Variants in STPG2 observed in about 807,000 individuals in gnomAD.
STPG2 encodes sperm tail PG-rich repeat containing 2.
In STPG2, 56 loss-of-function variants were observed where a neutral mutation model predicts 54.2. The observed-to-expected ratio is 1.03, with a 90% CI of 0.83 to 1.29. STPG2 has a LOEUF of 1.29. Among genes scored for constraint, STPG2 ranks in the 50% most tolerant of loss-of-function variants. The pLI is 0.00. For synonymous variants in STPG2, 200 were observed against 181.8 expected, an observed-to-expected ratio of 1.10 and a Z score of -0.81; for missense variants, 596 against 544.9, an observed-to-expected ratio of 1.09 and a Z score of -0.93.
intron 10 of STPG2, among the ~76,000 whole-genome samples, chr4:97,561,614 T>C (rs1201201542): frequency 1.3e-5 from 2 of 152,186 alleles, no homozygotes; most frequent in Middle Eastern, 3.2e-3. Context: ...CATCTTGAAT[T>C]AATTTTTGTA....
intron 3 of STPG2, among the ~76,000 whole-genome samples, chr4:98,121,137 C>A (rs1739668056): frequency 6.6e-6 from 1 of 152,206 alleles, no homozygotes; most frequent in Non-Finnish European, 1.5e-5. Context: ...GTTCTCCCAG[C>A]ACAATTTATT....
intron 8 of STPG2, among the ~76,000 whole-genome samples, chr4:97,901,395 T>A (rs1057453496): frequency 2.0e-5 from 3 of 151,872 alleles, no homozygotes; most frequent in Non-Finnish European, 4.4e-5. Flanking sequence ...GAAGCAAAAT[T>A]GTTTCTGTTT....
intron 9 of STPG2, among the ~76,000 whole-genome samples, chr4:97,780,959 A>T (rs1347960794): frequency 2.0e-5 from 3 of 152,192 alleles, no homozygotes; most frequent in Non-Finnish European, 1.5e-5. Context: ...TATAGCACTA[A>T]ATGCCCACAA....
chr4:97,859,360 C>T (rs1729437349), intron 8 of STPG2, among the ~76,000 whole-genome samples: 1 of 152,030 alleles, frequency 6.6e-6, no homozygotes, highest in African/African-American at 2.4e-5. Flanking sequence ...GTGGGATGTA[C>T]ATTTACTCTG....
intron 5 of STPG2, among the ~76,000 whole-genome samples, chr4:98,088,238 A>T (rs564523413): frequency 1.8e-4 from 27 of 152,196 alleles, no homozygotes; most frequent in Non-Finnish European, 2.9e-4. Flanking sequence ...ATCAGATTAC[A>T]ATAGTTTAGT....
In STPG2 at chr4:97,455,680, A is replaced by C. The variant is rs149711712; in HGVS notation, c.462+257019T>G. 6.0e-3 allele frequency among the ~76,000 whole-genome samples: 916 copies of C among 152,272 alleles called. 4 individuals are homozygous for C. Among genetic ancestry groups the C allele is most frequent in the African/African-American group, 0.021 (880 of 41,554 alleles). ...ACATGTGATATAATTCTTCCAGTAC[A>C]CCAAGGCAAGAAGCCCAGGATACAG... On this transcript the variant is annotated intron_variant, in intron 4 of 4. Coordinates refer to the STPG2 transcript ENST00000522676.
chr4:97,552,134 T>C (rs181308876), intron 4 of STPG2, among the ~76,000 whole-genome samples: 7 of 152,288 alleles, frequency 4.6e-5, no homozygotes, highest in Admixed American at 3.3e-4. Context: ...ATAGCCAATA[T>C]TCAAATCAAG....
At chr4:98,069,083 T>C (rs1468657040) in intron 5 of STPG2, among the ~76,000 whole-genome samples, 1 of 152,046 alleles carries the variant, frequency 6.6e-6, no homozygotes, top group Non-Finnish European at 1.5e-5. Context: ...TTTTTAAAAA[T>C]GTATTAAAAT....
intron 6 of STPG2, among the ~76,000 whole-genome samples, 153 bp downstream of exon 6, chr4:97,981,006 A>G (rs771196290): frequency 4.6e-5 from 7 of 152,222 alleles, no homozygotes; most frequent in Non-Finnish European, 1.0e-4. Flanking sequence ...ATCTGTGTTT[A>G]ATGTATAGTG....
chr4:97,968,394 C>T (rs981943873), intron 7 of STPG2, among the ~76,000 whole-genome samples: 1 of 152,112 alleles, frequency 6.6e-6, no homozygotes, highest in African/African-American at 2.4e-5. Flanking sequence ...TCTGAAACTT[C>T]CAATCAATAG....
chr4:97,678,054 G>C (rs550908462), intron 10 of STPG2, among the ~76,000 whole-genome samples: 1 of 151,744 alleles, frequency 6.6e-6, no homozygotes, highest in African/African-American at 2.4e-5. Context: ...TAAATGTTTT[G>C]TAGATGTTAG....
intron 5 of STPG2, among the ~76,000 whole-genome samples, chr4:98,023,394 A>C (rs1578791182): frequency 6.6e-6 from 1 of 152,230 alleles, no homozygotes; most frequent in South Asian, 2.1e-4. Flanking sequence ...GTCCTCTGGA[A>C]GTTTTGTCTC....
intron 10 of STPG2, among the ~76,000 whole-genome samples, chr4:97,573,219 G>A (rs1053180966): frequency 1.3e-5 from 2 of 151,312 alleles, no homozygotes; most frequent in African/African-American, 4.9e-5. Context: ...TTTTATAATT[G>A]GAAAATAACT....
chr4:97,895,753 C>T (rs1047040140), intron 8 of STPG2, among the ~76,000 whole-genome samples: 1 of 151,734 alleles, frequency 6.6e-6, no homozygotes, highest in African/African-American at 2.4e-5. Context: ...TTAAATAATA[C>T]AGTAAGTTAC....
At chr4:97,560,170 G>A (rs1186359085) in intron 10 of STPG2, among the ~76,000 whole-genome samples, 3 of 152,168 alleles carry the variant, frequency 2.0e-5, no homozygotes, top group Admixed American at 2.0e-4. Context: ...GGAGGCAGAT[G>A]AGTCTGAGTC....
At chr4:97,997,870 T>C (rs1735292727) in intron 5 of STPG2, among the ~76,000 whole-genome samples, 1 of 152,116 alleles carries the variant, frequency 6.6e-6, no homozygotes, top group African/African-American at 2.4e-5. Context: ...ATCAGATCCC[T>C]GTGAAACGCA....
At chr4:97,561,651 C>T (rs1578389177) in intron 10 of STPG2, among the ~76,000 whole-genome samples, 2 of 152,298 alleles carry the variant, frequency 1.3e-5, no homozygotes, top group East Asian at 3.9e-4. Flanking sequence ...GATTCAGTTT[C>T]AGCATATGGC....
At chr4:97,633,487 G>C (rs1376189676) in intron 10 of STPG2, 1 of 152,120 alleles carries the variant, frequency 6.6e-6, no homozygotes, top group African/African-American at 2.4e-5. Flanking sequence ...CCTGAGGGAG[G>C]CGCCAAGATG....
intron 9 of STPG2, among the ~76,000 whole-genome samples, chr4:97,735,437 A>G (rs1026352424): frequency 2.6e-4 from 39 of 151,596 alleles, no homozygotes; most frequent in African/African-American, 8.9e-4. Context: ...CAAAAACTAC[A>G]CATTAGGTAC....
Sources: gnomAD v4.1 joint callset for allele counts (sites outside exome capture counted in the v4.1 genomes callset) on GRCh38, gnomAD v4.1.1 for gene constraint, MANE v1.5 for transcripts, NCBI Gene and HGNC (gene_info 2026-07-23, HGNC 2026-07-21) for gene names.